Variants in IFT74 observed in about 807,000 individuals in gnomAD.
The protein encoded by IFT74 is intraflagellar transport protein 74 homolog.
In IFT74, 92 loss-of-function variants were observed where a neutral mutation model predicts 96.7. The ratio of observed to expected loss-of-function variants is 0.95; its 90% CI spans 0.80 to 1.13. The LOEUF is 1.13. Among genes scored for constraint, IFT74 ranks in the 50% most tolerant of loss-of-function variants. The pLI, the probability that IFT74 is intolerant of heterozygous loss-of-function variation, is 0.00. For synonymous variants in IFT74, 223 were observed against 213.2 expected, an observed-to-expected ratio of 1.05 and a Z score of -0.40; for missense variants, 811 against 698.2, an observed-to-expected ratio of 1.16 and a Z score of -1.82.
At chr9:26,951,128 A>G (rs1825918031) in intron 1 of IFT74, among the ~76,000 whole-genome samples, 2 of 152,264 alleles carry the variant, frequency 1.3e-5, no homozygotes, top group South Asian at 4.1e-4. Flanking sequence ...TAGCTGGACT[A>G]AACATCACAG....
At position 26,990,686 on chromosome 9, in the gene IFT74, G is replaced by A. The variant is rs145662530; in HGVS notation, c.587+491G>A. On this transcript the variant is annotated intron_variant, in intron 8 of 19. Coordinates refer to ENST00000380062, the MANE Select transcript of IFT74 (RefSeq NM_025103.4). ...ATCTAAAGACTAAATACCAACTAAC[G>A]CTGGAAATAACGTAATTGTGGCAGT... Among the ~76,000 whole-genome samples the A allele has an allele frequency of 8.8e-3, 1,346 of 152,262 alleles. 15 individuals carry two copies. The highest frequency in any genetic ancestry group is 0.033 in the South Asian group (158 of 4,818).
At chr9:27,050,442 A>G (rs867461905) in intron 16 of IFT74, among the ~76,000 whole-genome samples, 1 of 152,320 alleles carries the variant, frequency 6.6e-6, no homozygotes, top group Non-Finnish European at 1.5e-5. Context: ...GATTAGATAC[A>G]AATAAACAAA....
upstream of IFT74, among the ~76,000 whole-genome samples, chr9:26,951,762 G>A (rs568900730): frequency 5.1e-4 from 77 of 152,242 alleles, no homozygotes; most frequent in Non-Finnish European, 9.6e-4. Flanking sequence ...AGCCGGGTGT[G>A]GTGGTATGCG....
At chr9:26,991,515 C>T (rs762930042) in intron 8 of IFT74, among the ~76,000 whole-genome samples, 5 of 152,110 alleles carry the variant, frequency 3.3e-5, no homozygotes, top group South Asian at 2.1e-4. Flanking sequence ...CCATTATACC[C>T]GGCCACCATC....
intron 12 of IFT74, among the ~76,000 whole-genome samples, chr9:27,024,891 A>G (rs1296162842): frequency 1.3e-5 from 2 of 151,910 alleles, no homozygotes; most frequent in Non-Finnish European, 2.9e-5. Flanking sequence ...CAACGATAGA[A>G]TCAAACAAGC....
At chr9:26,962,615 T>C (rs920205918) in intron 2 of IFT74, among the ~76,000 whole-genome samples, 1 of 152,236 alleles carries the variant, frequency 6.6e-6, no homozygotes, top group African/African-American at 2.4e-5. Context: ...TGTTTAAAAG[T>C]ATTTTTAATC....
At chr9:26,973,584 G>T (rs746472251) in intron 2 of IFT74, among the ~76,000 whole-genome samples, 1 of 152,178 alleles carries the variant, frequency 6.6e-6, no homozygotes, top group Admixed American at 6.5e-5. Context: ...CAGCTTGAAG[G>T]CCTATTCCTA....
intron 1 of IFT74, 65 bp from the exon 2 acceptor site, chr9:26,961,884 A>G (rs532964923): frequency 8.5e-5 from 131 of 1,533,280 alleles, no homozygotes; most frequent in East Asian, 2.0e-4. Context: ...TAAGGGTATG[A>G]TGGGTCATTA....
intron 4 of IFT74, among the ~76,000 whole-genome samples, chr9:26,981,222 C>G (rs555246945): frequency 1.7e-4 from 26 of 152,286 alleles, no homozygotes; most frequent in African/African-American, 6.0e-4. Flanking sequence ...GGGACTCAAA[C>G]ATTCAAACCA....
chr9:27,000,521 A>G (rs1321206745), intron 8 of IFT74, among the ~76,000 whole-genome samples: 1 of 152,216 alleles, frequency 6.6e-6, no homozygotes, highest in Non-Finnish European at 1.5e-5. Flanking sequence ...GAGGCGTGGT[A>G]GATATACATA....
At chr9:26,949,755 A>G (rs1474459657) in intron 1 of IFT74, among the ~76,000 whole-genome samples, 1 of 152,064 alleles carries the variant, frequency 6.6e-6, no homozygotes, top group African/African-American at 2.4e-5. Flanking sequence ...AGGCTAGGAA[A>G]TGGGAAATGC....
intron 18 of IFT74, 113 bp from the exon 19 acceptor site, chr9:27,060,478 G>T: frequency 3.8e-6 from 2 of 529,210 alleles, no homozygotes; most frequent in Non-Finnish European, 6.6e-6. Context: ...TCAATAAAAT[G>T]TAAGTTGATA....
intron 6 of IFT74, among the ~76,000 whole-genome samples, chr9:26,985,772 C>G (rs551628225): frequency 6.6e-6 from 1 of 152,206 alleles, no homozygotes; most frequent in Non-Finnish European, 1.5e-5. Flanking sequence ...TGTATTGGTC[C>G]TATCAGTGAT....
At chr9:27,032,307 A>C (rs1390805202) in intron 13 of IFT74, among the ~76,000 whole-genome samples, 1 of 152,110 alleles carries the variant, frequency 6.6e-6, no homozygotes, top group Non-Finnish European at 1.5e-5. Context: ...TACCTTTAAA[A>C]ATTCTTTTTG....
intron 19 of IFT74, 135 bp from the exon 20 acceptor site, chr9:27,062,483 G>GT: frequency 1.8e-6 from 1 of 559,500 alleles, no homozygotes; most frequent in Non-Finnish European, 3.2e-6. Flanking sequence ...TTAAAATGAT[G>GT]TACTGTATTT....
At chr9:27,061,152 T>TGC (rs1461645647) in intron 19 of IFT74, among the ~76,000 whole-genome samples, 2 of 151,948 alleles carry the variant, frequency 1.3e-5, no homozygotes, top group African/African-American at 4.8e-5. Flanking sequence ...GAGGTGTGTG[T>TGC]GTGTGTGTGT....
At chr9:26,957,961 G>A (rs1333169048) in intron 1 of IFT74, among the ~76,000 whole-genome samples, 2 of 151,972 alleles carry the variant, frequency 1.3e-5, no homozygotes, top group East Asian at 3.9e-4. Flanking sequence ...CACTATGTTA[G>A]CCAGGATGGT....
intron 9 of IFT74, 36 bp downstream of exon 9, chr9:27,009,194 C>T (rs1343444398): frequency 2.5e-5 from 40 of 1,572,140 alleles, no homozygotes; most frequent in Non-Finnish European, 3.4e-5. Flanking sequence ...AAGCATGTAT[C>T]ATTCTTGCTA....
chr9:26,988,158 G>A lies in IFT74; in HGVS notation c.466-511G>A, dbSNP rs540177644. Among the ~76,000 whole-genome samples, 5 of 152,078 alleles carry A rather than the reference G, an allele frequency of 3.3e-5. No homozygotes were observed. The East Asian group carries it at 9.7e-4, about 29-fold the overall frequency. On this transcript the variant is annotated intron_variant, in intron 6 of 19. Transcript: ENST00000380062. Reference sequence around the variant, plus strand: ...GTAGAGACAGGGTTTCTCCATGTTGGTCAGGCTGTTCTTGAACTCCTGACC... The same window carrying A: ...GTAGAGACAGGGTTTCTCCATGTTGATCAGGCTGTTCTTGAACTCCTGACC...
Sources: allele counts gnomAD v4.1 joint callset (sites outside exome capture counted in the v4.1 genomes callset), GRCh38; gene constraint gnomAD v4.1.1; transcripts MANE v1.5; gene names NCBI Gene and HGNC (gene_info 2026-07-23, HGNC 2026-07-21).